The following THSD4 variants were observed in gnomAD, a reference collection of about 807,000 sequenced individuals.
THSD4 encodes thrombospondin type 1 domain containing 4, also known as thrombospondin type-1 domain-containing protein 4.
THSD4 carries 69 observed loss-of-function variants against 119.0 expected under a neutral mutation model. The observed-to-expected ratio is 0.58, with a 90% CI of 0.48 to 0.71. The LOEUF is 0.71. THSD4 is among the 30% of genes least tolerant of loss of function. The pLI, the probability that THSD4 is intolerant of heterozygous loss-of-function variation, is 0.00. For synonymous variants in THSD4, 524 were observed against 540.4 expected (o/e 0.97, Z 0.42); for missense variants, 1,393 against 1,391.1 (o/e 1.00, Z -0.02).
chr15:71,713,413 C>T (rs901764542), intron 8 of THSD4, among the ~76,000 whole-genome samples: 1 of 152,214 alleles, frequency 6.6e-6, no homozygotes, highest in Non-Finnish European at 1.5e-5. Context: ...GCCCTCCGCC[C>T]ACACCTATGT....
chr15:71,471,979 A>G (rs934608346), intron 7 of THSD4, among the ~76,000 whole-genome samples: 1 of 152,186 alleles, frequency 6.6e-6, no homozygotes, highest in Non-Finnish European at 1.5e-5. Context: ...CAGTGGCACA[A>G]TCATGGCTCA....
In THSD4 at chr15:71,215,206, C is replaced by T; in HGVS notation, c.271C>T (p.Gln91Ter). ...CCGCTCCTACCGCCTGCGCGGCGGC[C>T]AGCGGCCTGGCGCCCCTGCGCGCGC... The part of the protein sequence containing the change: ...LPRSYRLRGG[Q>*]RPGAPARAFA... The change falls in exon 4 of 18, where the codon CAG (glutamine) becomes TAG (stop). Residue 91 changes from glutamine to a stop codon, truncating the protein, a stop_gained. Transcript: ENST00000261862. LOFTEE classifies it high-confidence loss of function. 7.3e-7 allele frequency: 1 copy of T among 1,362,058 alleles called. No individual in the cohort carries two copies. Among genetic ancestry groups the T allele is most frequent in the African/African-American group, 1.5e-5 (1 of 65,348 alleles). The allele number at this position is 1,362,058 out of a possible 1,614,324, so 84.4% of individuals were successfully genotyped here.
At chr15:71,115,411 G>C (rs1223366466), upstream of THSD4, 1 of 152,212 alleles carries the variant, frequency 6.6e-6, no homozygotes, top group Non-Finnish European at 1.5e-5. The surrounding 1 kb of genome is among the most constrained non-coding windows in gnomAD (Gnocchi z 4.4). Flanking sequence ...AGATGACAGC[G>C]GGAGGCCGCA....
intron 8 of THSD4, among the ~76,000 whole-genome samples, chr15:71,714,587 T>A (rs747859456): frequency 1.5e-4 from 22 of 151,296 alleles, no homozygotes; most frequent in Non-Finnish European, 3.0e-4. Flanking sequence ...GGTTCACTCC[T>A]GTAATCCCAA....
At chr15:71,695,732 C>T (rs1357764163) in intron 8 of THSD4, among the ~76,000 whole-genome samples, 1 of 152,140 alleles carries the variant, frequency 6.6e-6, no homozygotes, top group Non-Finnish European at 1.5e-5. Context: ...TTTCTTCTTC[C>T]TTCACAAGGG....
At chr15:71,332,925 T>G in intron 6 of THSD4, among the ~76,000 whole-genome samples, 1 of 132,952 alleles carries the variant, frequency 7.5e-6, no homozygotes, top group South Asian at 2.6e-4. Flanking sequence ...TCAGCTATTG[T>G]TAGTGTTAGT....
intron 11 of THSD4, among the ~76,000 whole-genome samples, chr15:71,740,504 T>G (rs1322274251): frequency 1.3e-5 from 2 of 152,146 alleles, no homozygotes; most frequent in East Asian, 1.9e-4. Context: ...AAGATTCTCT[T>G]TCACCCTGTC....
At chr15:71,151,503 T>A (rs755543440) in intron 2 of THSD4, among the ~76,000 whole-genome samples, 1 of 152,074 alleles carries the variant, frequency 6.6e-6, no homozygotes, top group Non-Finnish European at 1.5e-5. Context: ...ATTAACTCAT[T>A]TGAGGTAGGA....
chr15:71,393,101 A>G (rs1383022712), intron 6 of THSD4, among the ~76,000 whole-genome samples: 1 of 152,162 alleles, frequency 6.6e-6, no homozygotes, highest in East Asian at 1.9e-4. Context: ...GACGTCTTTT[A>G]AAGTCCTGGG....
intron 6 of THSD4, among the ~76,000 whole-genome samples, chr15:71,384,510 C>T (rs1475670173): frequency 6.6e-6 from 1 of 152,134 alleles, no homozygotes; most frequent in African/African-American, 2.4e-5. Context: ...TTGCTTTTTG[C>T]CTTCTGGATG....
chr15:71,375,991 G>A (rs1014730184), intron 6 of THSD4, among the ~76,000 whole-genome samples: 1 of 152,166 alleles, frequency 6.6e-6, no homozygotes, highest in Non-Finnish European at 1.5e-5. Context: ...GTCACATACC[G>A]ACTAGGCCCT....
At chr15:71,504,843 C>T (rs1438301945) in intron 7 of THSD4, among the ~76,000 whole-genome samples, 1 of 152,176 alleles carries the variant, frequency 6.6e-6, no homozygotes, top group Non-Finnish European at 1.5e-5. Flanking sequence ...GGAGCTAACC[C>T]AGGACCCAAC....
At chr15:71,711,580 T>A (rs988996001) in intron 8 of THSD4, among the ~76,000 whole-genome samples, 2 of 152,052 alleles carry the variant, frequency 1.3e-5, no homozygotes, top group Non-Finnish European at 2.9e-5. Flanking sequence ...CGAAATCTAG[T>A]CATGACTCGT....
intron 3 of THSD4, among the ~76,000 whole-genome samples, chr15:71,200,055 C>G (rs74688534): frequency 0.019 from 2,858 of 152,040 alleles, 102 homozygotes; most frequent in African/African-American, 0.064. Context: ...GTAGCCATCC[C>G]TAGGCTTCTC....
chr15:71,259,421 AAAG>A (rs2044363907), intron 6 of THSD4, among the ~76,000 whole-genome samples: 2 of 152,218 alleles, frequency 1.3e-5, no homozygotes, highest in African/African-American at 4.8e-5. Context: ...AAACTAATAC[AAAG>A]AAGAAGGAAC....
intron 7 of THSD4, among the ~76,000 whole-genome samples, chr15:71,486,165 T>C (rs2047813477): frequency 6.6e-6 from 1 of 152,146 alleles, no homozygotes; most frequent in Admixed American, 6.5e-5. Context: ...AAATATCTCT[T>C]TCTCGGAGTC....
intron 4 of THSD4, among the ~76,000 whole-genome samples, chr15:71,239,232 G>A (rs997796528): frequency 1.3e-5 from 2 of 152,178 alleles, no homozygotes; most frequent in Non-Finnish European, 2.9e-5. Context: ...CCAGAACTGG[G>A]CTTGGAGTGC....
chr15:71,428,750 C>T (rs1483145718), intron 7 of THSD4, among the ~76,000 whole-genome samples: 1 of 152,176 alleles, frequency 6.6e-6, no homozygotes. Context: ...CAAAACTACT[C>T]AGTTCCCCAG....
intron 7 of THSD4, among the ~76,000 whole-genome samples, chr15:71,424,996 C>G (rs1211153624): frequency 6.6e-6 from 1 of 152,096 alleles, no homozygotes; most frequent in African/African-American, 2.4e-5. Context: ...GTCAGAATGA[C>G]CCCAAGGCCT....
Sources: allele counts gnomAD v4.1 joint callset (sites outside exome capture counted in the v4.1 genomes callset), GRCh38; gene constraint gnomAD v4.1.1; non-coding constraint Gnocchi (gnomAD v3.1); transcripts MANE v1.5; gene names NCBI Gene and HGNC (gene_info 2026-07-23, HGNC 2026-07-21).